Variants in PCDHA8 observed in about 807,000 individuals in gnomAD.
The protein encoded by PCDHA8 is protocadherin alpha-8.
In PCDHA8, 53 loss-of-function variants were observed where a neutral mutation model predicts 61.8. That is an observed-to-expected ratio of 0.86 (90% CI 0.69 to 1.08). The LOEUF (loss-of-function observed/expected upper bound fraction) is 1.08. Ranked by LOEUF, PCDHA8 falls within the 50% of genes least tolerant of loss-of-function variation. The pLI, the probability that PCDHA8 is intolerant of heterozygous loss-of-function variation, is 0.00. For synonymous variants in PCDHA8, 618 were observed against 556.6 expected, an observed-to-expected ratio of 1.11 and a Z score of -1.55; for missense variants, 1,293 against 1,245.0, an observed-to-expected ratio of 1.04 and a Z score of -0.58.
intron 2 of PCDHA8, among the ~76,000 whole-genome samples, chr5:140,981,149 G>T (rs2096919822): frequency 6.6e-6 from 1 of 152,202 alleles, no homozygotes; most frequent in South Asian, 2.1e-4. Flanking sequence ...AGAAAACATT[G>T]AACTTATATG....
Position 140,883,553 on chromosome 5 carries a change from G to A in PCDHA8, c.2394+39838G>A, listed in dbSNP as rs782158028. The A allele has an allele frequency of 4.3e-6, 7 of 1,614,122 alleles. No individual in the cohort carries two copies. In the South Asian group the frequency reaches 7.7e-5, roughly 18 times the overall value. On this transcript the variant is annotated intron_variant, in intron 1 of 3. Transcript: ENST00000531613. The stretch of plus-strand genomic sequence containing the variant: ...CTATGAACTGGTGGTGACCGCGCGG[G>A]ACGGGGGCTCGCCTTCGCTGTGGGC...
At chr5:140,948,253 AT>A (rs1365335948) in intron 1 of PCDHA8, among the ~76,000 whole-genome samples, 1 of 151,624 alleles carries the variant, frequency 6.6e-6, no homozygotes, top group Non-Finnish European at 1.5e-5. Context: ...ATATTTTTAC[AT>A]CTGTGTTCAT....
chr5:140,857,289 G>A lies in PCDHA8; in HGVS notation c.2394+13574G>A, dbSNP rs782361309. The A allele has an allele frequency of 3.8e-6, 6 of 1,598,692 alleles. No homozygotes were observed. In the South Asian group the frequency reaches 4.4e-5, roughly 12 times the overall value. ...TTGGTGCTGGACAGCGCTCTGGACC[G>A]CGAGAGGGTGTCGGCCTATGAGCTG... On this transcript the variant is annotated intron_variant, in intron 1 of 3. Coordinates refer to ENST00000531613, the MANE Select transcript of PCDHA8 (RefSeq NM_018911.3).
chr5:140,964,363 G>A (rs1050460842), intron 1 of PCDHA8, among the ~76,000 whole-genome samples: 1 of 152,188 alleles, frequency 6.6e-6, no homozygotes, highest in Non-Finnish European at 1.5e-5. Flanking sequence ...GATGACAAGA[G>A]TGCTGAAAGG....
chr5:140,864,709 T>C (rs2048574243), intron 1 of PCDHA8: 1 of 152,268 alleles, frequency 6.6e-6, no homozygotes, highest in South Asian at 2.1e-4. Flanking sequence ...TGTTGAGCTC[T>C]TCTACTATTT....
intron 1 of PCDHA8, among the ~76,000 whole-genome samples, chr5:140,911,424 T>C (rs1180624921): frequency 6.6e-6 from 1 of 152,168 alleles, no homozygotes; most frequent in Non-Finnish European, 1.5e-5. Context: ...TAAGAACTTG[T>C]GTCCAATTTC....
In PCDHA8 at chr5:140,848,623, C is replaced by A. The variant is rs186780543; in HGVS notation, c.2394+4908C>A. 2.4e-3 allele frequency: 3,747 copies of A among 1,588,346 alleles called. 451 individuals carry two copies. Among genetic ancestry groups the A allele is most frequent in the Middle Eastern group, 8.5e-3 (48 of 5,656 alleles). On this transcript the variant is annotated intron_variant, in intron 1 of 3. Coordinates refer to ENST00000531613, the MANE Select transcript of PCDHA8 (RefSeq NM_018911.3). ...GTCCCGGAGGAAGCCGAACACGGCA[C>A]CTTCGTGGGCCGCATCGCGCAGGAC...
rs200664126 is a variant in PCDHA8 at position 140,843,124 on chromosome 5, G to A, written c.1803G>A (p.Ser601=). 390 of 1,595,868 alleles carry A rather than the reference G, an allele frequency of 2.4e-4. 33 individuals are homozygous for A. Among genetic ancestry groups the A allele is most frequent in the Non-Finnish European group, 2.8e-4 (332 of 1,165,564 alleles). ...VAKVRAVDAD[S]GYNAWLSYEL... is the part of the protein sequence containing the mutation. ...AGGTGCGCGCAGTGGACGCCGACTCGGGCTACAACGCGTGGCTTTCGTATG... is the reference window on the plus strand; with the variant it reads ...AGGTGCGCGCAGTGGACGCCGACTCAGGCTACAACGCGTGGCTTTCGTATG... The change falls in exon 1 of 4, where the codon TCG becomes TCA. Residue 601 remains serine, a synonymous_variant. Coordinates refer to ENST00000531613, the MANE Select transcript of PCDHA8 (RefSeq NM_018911.3).
chr5:140,849,084 C>T, intron 1 of PCDHA8: 1 of 1,514,880 alleles, frequency 6.6e-7, no homozygotes. Context: ...ACTTGTATTA[C>T]GGAAACTTTT....
intron 1 of PCDHA8, among the ~76,000 whole-genome samples, chr5:140,885,916 T>C (rs2060771663): frequency 1.3e-5 from 2 of 152,202 alleles, no homozygotes; most frequent in Admixed American, 1.3e-4. Flanking sequence ...CTTATAGATA[T>C]TAACTGTTTA....
At chr5:140,855,278 G>A (rs251360) in intron 1 of PCDHA8, among the ~76,000 whole-genome samples, 95,551 of 148,822 alleles carry the variant, frequency 0.64, 33,178 homozygotes, top group African/African-American at 0.69. Context: ...CTCAACCACC[G>A]TATTACTATT....
At chr5:140,850,112 C>A (rs2150468097) in intron 1 of PCDHA8, 1 of 1,596,024 alleles carries the variant, frequency 6.3e-7, no homozygotes, top group Non-Finnish European at 8.6e-7. Context: ...GCGCGCGCGA[C>A]GCGGGCGTGC....
chr5:140,969,826 A>G (rs782339572), intron 1 of PCDHA8, among the ~76,000 whole-genome samples: 24 of 152,344 alleles, frequency 1.6e-4, no homozygotes, highest in Middle Eastern at 3.4e-3. Flanking sequence ...TGGACTGTCT[A>G]CAGTGGAAAT....
At chr5:141,007,613 T>C (rs1351675120) in intron 3 of PCDHA8, among the ~76,000 whole-genome samples, 1 of 152,056 alleles carries the variant, frequency 6.6e-6, no homozygotes, top group Non-Finnish European at 1.5e-5. Context: ...GAAGCAGATA[T>C]AGGAGAGGTC....
intron 1 of PCDHA8, among the ~76,000 whole-genome samples, chr5:140,941,077 G>C (rs2092726978): frequency 6.6e-6 from 1 of 152,068 alleles, no homozygotes; most frequent in South Asian, 2.1e-4. Context: ...CTGGAGAGTA[G>C]GTGGGTTTAG....
At chr5:140,843,759 A>T in intron 1 of PCDHA8, 44 bp downstream of exon 1, 1 of 1,499,994 alleles carries the variant, frequency 6.7e-7, no homozygotes. Flanking sequence ...TATTTGTGGA[A>T]ATTGTAGTTA....
intron 1 of PCDHA8, chr5:140,966,748 T>G: frequency 1.4e-6 from 2 of 1,426,956 alleles, no homozygotes; most frequent in Non-Finnish European, 1.8e-6. Flanking sequence ...CCCGGCTGCC[T>G]CCGCCGCGGC....
chr5:140,955,324 T>G (rs1358791050), intron 1 of PCDHA8, among the ~76,000 whole-genome samples: 8 of 152,186 alleles, frequency 5.3e-5, no homozygotes, highest in Non-Finnish European at 8.8e-5. Flanking sequence ...CCTTGAATTG[T>G]AGTTCCCATA....
At chr5:140,877,136 T>C (rs782812769) in intron 1 of PCDHA8, 2 of 1,613,760 alleles carry the variant, frequency 1.2e-6, no homozygotes, top group Non-Finnish European at 1.7e-6. Context: ...CAGGTGTTCG[T>C]GCTGGACGAG....
Sources: gnomAD v4.1 joint callset for allele counts (sites outside exome capture counted in the v4.1 genomes callset) on GRCh38, gnomAD v4.1.1 for gene constraint, MANE v1.5 for transcripts, NCBI Gene and HGNC (gene_info 2026-07-23, HGNC 2026-07-21) for gene names.